ZFAND3: variants seen among roughly 807,000 people sequenced by gnomAD.
ZFAND3 encodes AN1-type zinc finger protein 3.
ZFAND3 carries 10 observed loss-of-function variants against 29.6 expected under a neutral mutation model. The ratio of observed to expected loss-of-function variants is 0.34; its 90% confidence interval spans 0.21 to 0.57. The LOEUF (loss-of-function observed/expected upper bound fraction) is 0.57, where lower values mean the gene tolerates loss of function less well. Ranked by LOEUF, ZFAND3 falls within the 20% of genes least tolerant of loss-of-function variation. The probability of loss-of-function intolerance (pLI) is 0.86; values close to 1 mark genes in which losing one functional copy is unlikely to be tolerated. For missense variants in ZFAND3, 230 were observed against 304.5 expected, an observed-to-expected ratio of 0.76 and a Z score of 1.82; for synonymous variants, 128 against 112.6, an observed-to-expected ratio of 1.14 and a Z score of -0.87.
At position 37,921,882 on chromosome 6, in the gene ZFAND3, C is replaced by CAA. The variant is rs778118350; in HGVS notation, c.72-8062_72-8061dup. 6.9e-3 allele frequency among the ~76,000 whole-genome samples: 609 copies of CAA among 87,704 alleles called. 7 individuals are homozygous for CAA. Among genetic ancestry groups the CAA allele is most frequent in the South Asian group, 0.067 (184 of 2,758 alleles). 57.5% of individuals were successfully genotyped at this position (87,704 alleles called of 152,430 possible). A position where few individuals can be genotyped will look rare whatever the true frequency, so the allele number is the denominator to read the frequency against. ...GCAACATGGCAAAACCCCATCTCTG[C>CAA]AAAAAAAAAAAAAAAACAAACCCAC... On this transcript the variant is annotated intron_variant, in intron 1 of 5. Coordinates refer to ENST00000287218, the MANE Select transcript of ZFAND3 (RefSeq NM_021943.3).
chr6:38,093,125 T>A (rs1308763357), intron 4 of ZFAND3, among the ~76,000 whole-genome samples: 1 of 152,216 alleles, frequency 6.6e-6, no homozygotes, highest in Non-Finnish European at 1.5e-5. Flanking sequence ...GTAAATAGGT[T>A]TTTCCTTTTG....
At chr6:38,072,647 GA>G (rs370690906) in intron 3 of ZFAND3, among the ~76,000 whole-genome samples, 2,577 of 149,834 alleles carry the variant, frequency 0.017, 62 homozygotes, top group African/African-American at 0.057. Context: ...ATGTTTGGCT[GA>G]AAAAAAAACA....
In ZFAND3 at chr6:38,048,621, C is replaced by CAAA. The variant is rs70981521; in HGVS notation, c.113-12961_113-12959dup. Among the ~76,000 whole-genome samples, 2,368 of 56,286 alleles carry CAAA rather than the reference C, an allele frequency of 0.042. 544 individuals carry two copies. The East Asian group carries it at 0.53, about 13-fold the overall frequency. 36.9% of individuals were successfully genotyped at this position (56,286 alleles called of 152,430 possible). ...TGGGTGACAGAGTGAGACTCCGTCT[C>CAAA]AAAAAAAAAAAAATTCAATGCCTGT... On this transcript the variant is annotated intron_variant, in intron 2 of 5. Transcript: ENST00000287218.
chr6:37,945,573 C>T lies in ZFAND3; in HGVS notation c.112+15574C>T, dbSNP rs762773070. Among the ~76,000 whole-genome samples the T allele has an allele frequency of 5.9e-5, 9 of 152,210 alleles. No homozygotes were observed. In the East Asian group the frequency reaches 1.7e-3, roughly 29 times the overall value. ...TATTTTTAGTAGAGATGAGGTTTTG[C>T]CATGTTGGCTAGTCTAGTCTCGAAC... On this transcript the variant is annotated intron_variant, in intron 2 of 5. Transcript: ENST00000287218.
chr6:37,867,241 A>G (rs1426147303), intron 1 of ZFAND3, among the ~76,000 whole-genome samples: 1 of 152,172 alleles, frequency 6.6e-6, no homozygotes, highest in East Asian at 1.9e-4. Context: ...ATCTAACCTC[A>G]TTGTGGAACT....
intron 1 of ZFAND3, among the ~76,000 whole-genome samples, chr6:37,899,208 C>T (rs1231143249): frequency 6.6e-6 from 1 of 152,092 alleles, no homozygotes; most frequent in Non-Finnish European, 1.5e-5. Flanking sequence ...CCATTCGTTT[C>T]TGATTTTTAA....
chr6:37,886,792 C>A (rs1160170841), intron 1 of ZFAND3, among the ~76,000 whole-genome samples: 3 of 152,044 alleles, frequency 2.0e-5, no homozygotes, highest in South Asian at 2.1e-4. Context: ...GCCAGGGGTT[C>A]AAGACCAGGT....
chr6:38,041,631 T>TTTCTTCTTCTTCTTCTTCTTC (rs1193585476), intron 2 of ZFAND3, among the ~76,000 whole-genome samples: 4 of 56,194 alleles, frequency 7.1e-5, no homozygotes, highest in Admixed American at 3.3e-4. Flanking sequence ...TTATCTACTT[T>TTTCTTCTTCTTCTTCTTCTTC]TTCTTCTTCT....
Sources: allele counts gnomAD v4.1 joint callset (sites outside exome capture counted in the v4.1 genomes callset), GRCh38; gene constraint gnomAD v4.1.1; transcripts MANE v1.5; gene names NCBI Gene and HGNC (gene_info 2026-07-23, HGNC 2026-07-21).